FRMD1: variants seen among roughly 807,000 people sequenced by gnomAD.
FRMD1 encodes FERM domain containing 1, also known as FERM domain-containing protein 1.
A neutral mutation model predicts 54.9 loss-of-function variants in FRMD1; 51 were observed. The observed-to-expected ratio is 0.93, with a 90% CI of 0.74 to 1.17. The LOEUF is 1.17. Ranked by LOEUF, FRMD1 falls within the 50% of genes most tolerant of loss-of-function variation. The probability of loss-of-function intolerance (pLI) is 0.00; values close to 1 mark genes in which losing one functional copy is unlikely to be tolerated. For synonymous variants in FRMD1, 324 were observed against 306.4 expected, an observed-to-expected ratio of 1.06 and a Z score of -0.60; for missense variants, 729 against 743.0, an observed-to-expected ratio of 0.98 and a Z score of 0.22.
At chr6:168,071,769 C>T (rs1160673343) in intron 2 of FRMD1, among the ~76,000 whole-genome samples, 1 of 152,240 alleles carries the variant, frequency 6.6e-6, no homozygotes, top group Non-Finnish European at 1.5e-5. Context: ...GCTGATGAGC[C>T]AGTAATCTCC....
chr6:168,059,710 TG>T lies in FRMD1; in HGVS notation c.1343-523del, dbSNP rs1799616517. 6.6e-6 allele frequency among the ~76,000 whole-genome samples: 1 copy of T among 152,120 alleles called. No homozygotes were observed. The highest frequency in any genetic ancestry group is 1.5e-5 in the Non-Finnish European group (1 of 68,016). On this transcript the variant is annotated intron_variant, in intron 9 of 10. Transcript: ENST00000283309. This position sits in a 1 kb window ranked among gnomAD's most constrained non-coding sequence, Gnocchi z 4.4. ...ACCAGCAGAGCTCACGTCCCCTTTC[TG>T]GGGCAATGAGGAAGCTCTTCAGGGC...
rs370903446 is a variant in FRMD1, at chr6:168,070,051, C to T, written c.305-2605G>A. Among the ~76,000 whole-genome samples the T allele has an allele frequency of 3.7e-4, 56 of 152,032 alleles. No homozygotes were observed. The South Asian group carries it at 1.0e-2, about 27-fold the overall frequency. On this transcript the variant is annotated intron_variant, in intron 2 of 10. Transcript: ENST00000283309. ...ACAGCCTGGGCAACATAATGAGACC[C>T]GACTCCACAAAAAAATACAAAAGGT...
At chr6:168,062,325 G>T (rs1210581895) in intron 7 of FRMD1, among the ~76,000 whole-genome samples, 1 of 152,208 alleles carries the variant, frequency 6.6e-6, no homozygotes, top group Non-Finnish European at 1.5e-5. Context: ...CCGGGCTGTG[G>T]GGTGACCCTG....
At chr6:168,079,464 T>G (rs1432921694), upstream of FRMD1, among the ~76,000 whole-genome samples, 3 of 152,194 alleles carry the variant, frequency 2.0e-5, no homozygotes, top group African/African-American at 7.2e-5. Context: ...TGCCTGCTCC[T>G]TCTTCTATAA....
chr6:168,082,072 C>T (rs1043258004), upstream of FRMD1, among the ~76,000 whole-genome samples: 1 of 152,166 alleles, frequency 6.6e-6, no homozygotes, highest in African/African-American at 2.4e-5. Flanking sequence ...TGAGGGTGTG[C>T]CTGTGTGGAT....
At chr6:168,086,438 C>T (rs1288656008), upstream of FRMD1, among the ~76,000 whole-genome samples, 1 of 151,182 alleles carries the variant, frequency 6.6e-6, no homozygotes, top group Admixed American at 6.6e-5. Flanking sequence ...ATGCCCATGT[C>T]CCAACATGGA....
upstream of FRMD1, chr6:168,079,281 G>T: frequency 8.6e-7 from 1 of 1,169,138 alleles, no homozygotes; most frequent in Non-Finnish European, 1.1e-6. Flanking sequence ...GCAAATAGCT[G>T]GGTGTGTGGA....
At chr6:168,077,746 A>G (rs1800662392) in intron 1 of FRMD1, among the ~76,000 whole-genome samples, 1 of 152,234 alleles carries the variant, frequency 6.6e-6, no homozygotes, top group South Asian at 2.1e-4. Context: ...AGTTCCGTGC[A>G]AGAAACCTAA....
chr6:168,072,479 T>C (rs1800357075), intron 2 of FRMD1, among the ~76,000 whole-genome samples: 1 of 152,202 alleles, frequency 6.6e-6, no homozygotes, highest in African/African-American at 2.4e-5. Flanking sequence ...GGGGATGCCC[T>C]GGGGCGTTTC....
rs142200860 is a variant in FRMD1, at chr6:168,059,290, G to A, written c.1343-102C>T. 2.3e-5 allele frequency: 22 copies of A among 961,498 alleles called. No homozygotes were observed. Among genetic ancestry groups the A allele is most frequent in the African/African-American group, 1.5e-4 (9 of 61,886 alleles). The allele number at this position is 961,498 out of a possible 1,614,324, so 59.6% of individuals were successfully genotyped here. Reference sequence around the variant, plus strand: ...ACTTCTGGGGCCCTGGTCTCGGACCGGCATCTCCTGAGGCTCACACCGCCC... The same window carrying A: ...ACTTCTGGGGCCCTGGTCTCGGACCAGCATCTCCTGAGGCTCACACCGCCC... On this transcript the variant is annotated intron_variant, in intron 9 of 10. Coordinates refer to ENST00000283309, the MANE Select transcript of FRMD1 (RefSeq NM_024919.6). The surrounding 1 kb of genome is among the most constrained non-coding windows in gnomAD (Gnocchi z 4.4).
intron 2 of FRMD1, among the ~76,000 whole-genome samples, chr6:168,068,190 T>TC (rs1800140571): frequency 1.3e-5 from 2 of 152,186 alleles, no homozygotes; most frequent in Non-Finnish European, 2.9e-5. Flanking sequence ...AAGTCAATGA[T>TC]CCCAGCTTTA....
In FRMD1 at chr6:168,060,794, G is replaced by A. The variant is rs138998311; in HGVS notation, c.1309C>T (p.Arg437Cys). 2.0e-3 allele frequency: 3,241 copies of A among 1,611,988 alleles called. 5 individuals are homozygous for A. Among genetic ancestry groups the A allele is most frequent in the Non-Finnish European group, 2.5e-3 (2,898 of 1,178,682 alleles). ...KEPSSSPRTSRSHPSTRGDSQ... is the reference protein window; with the variant it reads ...KEPSSSPRTSCSHPSTRGDSQ... The stretch of plus-strand genomic sequence containing the variant: ...TCACCACGTGTGCTGGGGTGGCTGC[G>A]GCTGGTCCTGGGGCTGGAGGACGGC... The change falls in exon 9 of 11, where the codon CGC becomes TGC. Residue 437 changes from arginine to cysteine, a missense_variant. Physicochemically the swap from Arg to Cys is radical, Grantham distance 180 (BLOSUM62 -3). Transcript: ENST00000283309.
chr6:168,059,226 T>G lies in FRMD1; in HGVS notation c.1343-38A>C. ...GCAGCCGTGAGCACAGGTGTCTGGG[T>G]TCTGCCCGACATGGCTCCTCCCCAG... On this transcript the variant is annotated intron_variant, in intron 9 of 10. Coordinates refer to ENST00000283309, the MANE Select transcript of FRMD1 (RefSeq NM_024919.6). This position sits in a 1 kb window ranked among gnomAD's most constrained non-coding sequence, Gnocchi z 4.4. The G allele has an allele frequency of 6.5e-7, 1 of 1,538,162 alleles. No homozygotes were observed. The highest frequency in any genetic ancestry group is 1.2e-5 in the South Asian group (1 of 84,412).
At chr6:168,082,897 G>A (rs73790725), upstream of FRMD1, among the ~76,000 whole-genome samples, 2 of 152,250 alleles carry the variant, frequency 1.3e-5, no homozygotes, top group South Asian at 2.1e-4. Context: ...TGGGCAGGGT[G>A]CTCCCCACCC....
In FRMD1 at chr6:168,058,377, ATCT is replaced by A. The variant is rs1319980021; in HGVS notation, c.1407+744_1407+746del. Among the ~76,000 whole-genome samples the A allele has an allele frequency of 1.8e-4, 17 of 96,792 alleles. No homozygotes were observed. In the South Asian group the frequency reaches 2.4e-3, roughly 14 times the overall value. 63.5% of individuals were successfully genotyped at this position (96,792 alleles called of 152,430 possible). ...GTGCCCAGCCCTGTTCTCTCTCTCC[ATCT>A]GCCTCCCGTGCCCAGCCCTCTTCTC... On this transcript the variant is annotated intron_variant, in intron 10 of 10. Transcript: ENST00000283309.
At chr6:168,080,197 G>A (rs1371321357), upstream of FRMD1, among the ~76,000 whole-genome samples, 1 of 152,050 alleles carries the variant, frequency 6.6e-6, no homozygotes, top group Non-Finnish European at 1.5e-5. Context: ...GCCGCCCTAA[G>A]GCCCGGCCCG....
At chr6:168,058,745 C>G (rs185819112) in intron 10 of FRMD1, among the ~76,000 whole-genome samples, 10 of 152,298 alleles carry the variant, frequency 6.6e-5, no homozygotes, top group Non-Finnish European at 1.3e-4. Flanking sequence ...CAGCACTAGG[C>G]CCCGGGTGGA....
upstream of FRMD1, among the ~76,000 whole-genome samples, chr6:168,082,867 G>GTACA (rs923694387): frequency 2.0e-5 from 3 of 152,214 alleles, no homozygotes; most frequent in African/African-American, 7.2e-5. Flanking sequence ...GCGCAGCAGG[G>GTACA]TACAGGGCCT....
intron 1 of FRMD1, among the ~76,000 whole-genome samples, chr6:168,092,767 A>G (rs886097757): frequency 2.0e-5 from 3 of 152,224 alleles, no homozygotes; most frequent in Admixed American, 6.5e-5. Flanking sequence ...GAAAGGACTA[A>G]GACACTGTCC....
Sources: allele counts gnomAD v4.1 joint callset (sites outside exome capture counted in the v4.1 genomes callset), GRCh38; gene constraint gnomAD v4.1.1; non-coding constraint Gnocchi (gnomAD v3.1); transcripts MANE v1.5; gene names NCBI Gene and HGNC (gene_info 2026-07-23, HGNC 2026-07-21).